The following KIAA1217 variants were observed in gnomAD, a reference collection of about 807,000 sequenced individuals.
The protein encoded by KIAA1217 is KIAA1217, also known as sickle tail protein homolog.
KIAA1217 carries 88 observed loss-of-function variants against 163.9 expected under a neutral mutation model. The observed-to-expected ratio is 0.54, with a 90% confidence interval of 0.45 to 0.64. KIAA1217 has a LOEUF of 0.64. KIAA1217 is among the 30% of genes least tolerant of loss of function. The pLI, the probability that KIAA1217 is intolerant of heterozygous loss-of-function variation, is 0.00. For missense variants in KIAA1217, 2,372 were observed against 2,475.0 expected (o/e 0.96, Z 0.88); for synonymous variants, 903 against 923.1 (o/e 0.98, Z 0.39).
At chr10:23,979,929 A>G (rs1456869158) in intron 1 of KIAA1217, among the ~76,000 whole-genome samples, 1 of 152,018 alleles carries the variant, frequency 6.6e-6, no homozygotes, top group Non-Finnish European at 1.5e-5. Flanking sequence ...TTTAAACTTT[A>G]TCATCCAGCT....
intron 1 of KIAA1217, among the ~76,000 whole-genome samples, chr10:23,986,195 G>A (rs1024049966): frequency 2.6e-5 from 4 of 152,148 alleles, no homozygotes; most frequent in East Asian, 1.9e-4. Context: ...ACTGTGCCTC[G>A]AGCATATTAG....
At chr10:24,256,622 A>C (rs777720232) in intron 2 of KIAA1217, among the ~76,000 whole-genome samples, 14 of 152,200 alleles carry the variant, frequency 9.2e-5, no homozygotes, top group Non-Finnish European at 1.5e-4. Flanking sequence ...AACAGAACCA[A>C]CACTGGTTTT....
At chr10:24,383,238 C>T (rs907447139) in intron 3 of KIAA1217, among the ~76,000 whole-genome samples, 4 of 152,166 alleles carry the variant, frequency 2.6e-5, no homozygotes, top group African/African-American at 9.7e-5. Flanking sequence ...GAGCTCAGGT[C>T]TCTGTAAAGA....
At position 24,118,282 on chromosome 10, in the gene KIAA1217, T is replaced by C. The variant is rs371351322; in HGVS notation, c.-170-101344T>C. Among the ~76,000 whole-genome samples, 9 of 152,134 alleles carry C rather than the reference T, an allele frequency of 5.9e-5. No individual in the cohort carries two copies. In the East Asian group the frequency reaches 1.5e-3, roughly 26 times the overall value. ...AGGGGTGATGACAAACAGGGCCCTATAATGTTGTTGAGCCGCCTCCGCCAC... is the reference window on the plus strand; with the variant it reads ...AGGGGTGATGACAAACAGGGCCCTACAATGTTGTTGAGCCGCCTCCGCCAC... On this transcript the variant is annotated intron_variant, in intron 2 of 18. Coordinates refer to the KIAA1217 transcript ENST00000376462.
In KIAA1217 at chr10:24,077,526, G is replaced by GC. The variant is rs1442755747; in HGVS notation, c.-171+70152_-171+70153insC. Among the ~76,000 whole-genome samples, 161 of 152,224 alleles carry GC rather than the reference G, an allele frequency of 1.1e-3. 2 individuals carry two copies. The highest frequency in any genetic ancestry group is 3.6e-3 in the African/African-American group (151 of 41,524). ...GGACATGATCTCATTCCTTTTTATG[G>GC]TGCCATAGTATTCTATGGTGTATAC... is the stretch of plus-strand genomic sequence containing the variant. On this transcript the variant is annotated intron_variant, in intron 2 of 18. Transcript: ENST00000376462.
At chr10:23,733,832 T>G (rs1838629111) in intron 1 of KIAA1217, among the ~76,000 whole-genome samples, 1 of 152,216 alleles carries the variant, frequency 6.6e-6, no homozygotes, top group African/African-American at 2.4e-5. Context: ...TCAATTATCA[T>G]TTTTGGTTGT....
intron 1 of KIAA1217, among the ~76,000 whole-genome samples, chr10:23,719,351 A>G (rs1447864573): frequency 9.9e-5 from 15 of 152,022 alleles, no homozygotes; most frequent in Admixed American, 9.8e-4. Flanking sequence ...GAGGCCAAGG[A>G]GAGCAGATCA....
intron 1 of KIAA1217, among the ~76,000 whole-genome samples, chr10:23,972,818 G>A (rs1198745161): frequency 6.6e-6 from 1 of 152,184 alleles, no homozygotes; most frequent in Non-Finnish European, 1.5e-5. Context: ...GGACATGGAT[G>A]AAGCTGGAAG....
At chr10:24,381,664 T>A (rs2053320681) in intron 3 of KIAA1217, among the ~76,000 whole-genome samples, 2 of 152,230 alleles carry the variant, frequency 1.3e-5, no homozygotes, top group South Asian at 2.1e-4. Flanking sequence ...CAGTCCCTGG[T>A]GCCAAAAAAA....
At chr10:23,697,742 T>C (rs1276985246) in intron 1 of KIAA1217, among the ~76,000 whole-genome samples, 1 of 151,118 alleles carries the variant, frequency 6.6e-6, no homozygotes, top group Non-Finnish European at 1.5e-5. Context: ...GCTGGCATGG[T>C]GATGTGCACC....
intron 1 of KIAA1217, among the ~76,000 whole-genome samples, chr10:23,857,507 C>T (rs1018127484): frequency 7.2e-5 from 11 of 152,204 alleles, no homozygotes; most frequent in African/African-American, 2.7e-4. Flanking sequence ...TATTCATGCC[C>T]TTGTGCCTCA....
chr10:24,179,771 G>C (rs558826040), intron 2 of KIAA1217, among the ~76,000 whole-genome samples: 1 of 151,972 alleles, frequency 6.6e-6, no homozygotes, highest in African/African-American at 2.4e-5. Flanking sequence ...TGTATTTTTA[G>C]TGGATGAGGT....
chr10:24,538,609 A>AGGAAAC, intron 17 of KIAA1217, among the ~76,000 whole-genome samples: 1 of 59,686 alleles, frequency 1.7e-5, no homozygotes, highest in African/African-American at 1.3e-4. Flanking sequence ...AGGAAGGAAA[A>AGGAAAC]AGAGAGGAAG....
intron 1 of KIAA1217, among the ~76,000 whole-genome samples, chr10:23,768,572 C>T (rs1834649505): frequency 1.3e-5 from 2 of 152,270 alleles, no homozygotes; most frequent in Admixed American, 1.3e-4. Context: ...CATTCAGGAA[C>T]AAAGGTATAT....
At chr10:23,716,640 C>A (rs1472319114) in intron 1 of KIAA1217, among the ~76,000 whole-genome samples, 1 of 152,132 alleles carries the variant, frequency 6.6e-6, no homozygotes, top group Non-Finnish European at 1.5e-5. Context: ...ACTGAACACA[C>A]AGAAGACTGG....
intron 2 of KIAA1217, among the ~76,000 whole-genome samples, chr10:24,118,472 C>T (rs1005144911): frequency 1.3e-5 from 2 of 152,204 alleles, no homozygotes; most frequent in African/African-American, 2.4e-5. Flanking sequence ...GAGTCCTCAG[C>T]AGGAAATCCT....
At chr10:24,337,621 TTTTCTTTTCTTTTCTTTTCTTTTCTTTTC>T (rs775619843) in intron 2 of KIAA1217, among the ~76,000 whole-genome samples, 10,878 of 79,086 alleles carry the variant, frequency 0.14, 638 homozygotes, top group East Asian at 0.25. Flanking sequence ...TTTTCTTTTC[TTTTCTTTTCTTTTCTTTTCTTTTCTTTTC>T]TTTTTTTTTT....
chr10:24,206,330 A>C (rs2067552280), upstream of KIAA1217, among the ~76,000 whole-genome samples: 1 of 152,204 alleles, frequency 6.6e-6, no homozygotes, highest in Non-Finnish European at 1.5e-5. Flanking sequence ...AAAGAAATAC[A>C]CCTACTTCTA....
chr10:24,468,633 A>G (rs2063187998), intron 5 of KIAA1217, among the ~76,000 whole-genome samples: 1 of 152,172 alleles, frequency 6.6e-6, no homozygotes, highest in South Asian at 2.1e-4. Flanking sequence ...TGAAGTGGAC[A>G]GGGCAGGGAA....
Sources: gnomAD v4.1 joint callset for allele counts (sites outside exome capture counted in the v4.1 genomes callset) on GRCh38, gnomAD v4.1.1 for gene constraint, MANE v1.5 for transcripts, NCBI Gene and HGNC (gene_info 2026-07-23, HGNC 2026-07-21) for gene names.